Variants in BCKDHB observed in about 807,000 individuals in gnomAD.
BCKDHB encodes the protein 2-oxoisovalerate dehydrogenase subunit beta, mitochondrial.
Under a neutral mutation model 48.5 loss-of-function variants are expected in BCKDHB, and 41 were observed. That is an observed-to-expected ratio of 0.85 (90% confidence interval 0.66 to 1.10). The LOEUF (loss-of-function observed/expected upper bound fraction) is 1.10. Ranked by LOEUF, BCKDHB falls within the 50% of genes least tolerant of loss-of-function variation. BCKDHB has a pLI of 0.00. For synonymous variants in BCKDHB, 201 were observed against 174.8 expected (o/e 1.15, Z -1.18); for missense variants, 496 against 494.2 (o/e 1.00, Z -0.03).
At chr6:80,158,010 T>A (rs1772134546) in intron 3 of BCKDHB, among the ~76,000 whole-genome samples, 1 of 152,234 alleles carries the variant, frequency 6.6e-6, no homozygotes, top group Non-Finnish European at 1.5e-5. Flanking sequence ...AGCTTGTTCA[T>A]TCAAACGATA....
At chr6:80,258,805 C>A (rs1482144835) in intron 8 of BCKDHB, among the ~76,000 whole-genome samples, 1 of 151,648 alleles carries the variant, frequency 6.6e-6, no homozygotes, top group Non-Finnish European at 1.5e-5. Context: ...CACTGATGCT[C>A]AAGTTAACAA....
chr6:80,210,425 A>AT (rs1484406156), intron 8 of BCKDHB, among the ~76,000 whole-genome samples: 1 of 152,140 alleles, frequency 6.6e-6, no homozygotes, highest in African/African-American at 2.4e-5. Context: ...AGTGATTATC[A>AT]TGAGAGTGGT....
Position 80,167,789 on chromosome 6 carries a change from A to G in BCKDHB, c.455A>G (p.Tyr152Cys). 6.2e-7 allele frequency: 1 copy of G among 1,613,868 alleles called. No individual in the cohort carries two copies. Among genetic ancestry groups the G allele is most frequent in the Non-Finnish European group, 8.5e-7 (1 of 1,179,886 alleles). Residue 152 changes from tyrosine (Y) to cysteine (C), a missense_variant, in exon 4 of 10, where the codon TAT (tyrosine) becomes TGT (cysteine). By Grantham distance (194) the Tyr-to-Cys change is radical. Transcript: ENST00000320393. ...TAIAEIQFAD[Y>C]IFPAFDQIVN... ...ATTGCGGAAATTCAGTTTGCAGATT[A>G]TATTTTCCCTGCATTTGATCAGGTA...
chr6:80,192,393 A>G (rs1730563786), intron 6 of BCKDHB, among the ~76,000 whole-genome samples: 1 of 152,112 alleles, frequency 6.6e-6, no homozygotes, highest in African/African-American at 2.4e-5. Context: ...TGTAAAATTG[A>G]CACCCTATGA....
chr6:80,143,513 TG>T (rs1771324154), intron 3 of BCKDHB, among the ~76,000 whole-genome samples: 1 of 152,180 alleles, frequency 6.6e-6, no homozygotes, highest in African/African-American at 2.4e-5. Context: ...TGAGTGAGAC[TG>T]CCTATGCAAA....
At chr6:80,139,245 T>C (rs62406052) in intron 3 of BCKDHB, among the ~76,000 whole-genome samples, 103 of 151,994 alleles carry the variant, frequency 6.8e-4, no homozygotes, top group Non-Finnish European at 1.0e-3. Flanking sequence ...TTCTCCCATT[T>C]TGTAGGTTGC....
chr6:80,123,137 C>G (rs1770133147), intron 1 of BCKDHB, among the ~76,000 whole-genome samples: 1 of 152,154 alleles, frequency 6.6e-6, no homozygotes, highest in South Asian at 2.1e-4. Flanking sequence ...GCAGTCAGAC[C>G]TTATGGTTGT....
At position 80,112,759 on chromosome 6, in the gene BCKDHB, G is replaced by A. The variant is rs915374938; in HGVS notation, c.196+5870G>A. On this transcript the variant is annotated intron_variant, in intron 1 of 9. Transcript: ENST00000320393. The stretch of plus-strand genomic sequence containing the variant: ...GTTCAGGTCTGGAGTTGGATTCCCC[G>A]GGGTGTTCCCCTTTGGGATCCAATC... Among the ~76,000 whole-genome samples, 6 of 152,178 alleles carry A rather than the reference G, an allele frequency of 3.9e-5. No individual in the cohort carries two copies. The South Asian group carries it at 1.2e-3, about 32-fold the overall frequency.
At chr6:80,354,086 C>A in the BCKDHB span, among the ~76,000 whole-genome samples, 1 of 152,058 alleles carries the variant, frequency 6.6e-6, no homozygotes, top group South Asian at 2.1e-4. Context: ...ATATTAGTCT[C>A]CTCCTGTTGG....
Position 80,132,506 on chromosome 6 carries a change from G to A in BCKDHB, c.343+3277G>A, listed in dbSNP as rs78642487. On this transcript the variant is annotated intron_variant, in intron 3 of 9. Coordinates refer to ENST00000320393, the MANE Select transcript of BCKDHB (RefSeq NM_183050.4). ...CTCTCTCACATTAATTATTTAGGTT[G>A]GTCTGATTTTATTTTCCTTAAAAAA... Among the ~76,000 whole-genome samples the A allele has an allele frequency of 1.2e-4, 19 of 152,222 alleles. No individual in the cohort carries two copies. In the East Asian group the frequency reaches 3.1e-3, roughly 25 times the overall value.
the BCKDHB span, among the ~76,000 whole-genome samples, chr6:80,381,528 G>A: frequency 6.6e-6 from 1 of 152,020 alleles, no homozygotes; most frequent in Non-Finnish European, 1.5e-5. Context: ...TAATATTAAA[G>A]TCAGGTGATG....
the BCKDHB span, among the ~76,000 whole-genome samples, chr6:80,428,221 C>T: frequency 6.6e-5 from 10 of 152,312 alleles, 1 homozygote; most frequent in South Asian, 2.1e-3. Flanking sequence ...TCTATGGCTG[C>T]ATAGTATTCC....
chr6:80,418,183 G>T, the BCKDHB span, among the ~76,000 whole-genome samples: 2 of 152,090 alleles, frequency 1.3e-5, no homozygotes, highest in Admixed American at 6.5e-5. Context: ...CCTCTATCAG[G>T]TCGTTTGTTT....
intron 8 of BCKDHB, among the ~76,000 whole-genome samples, chr6:80,244,513 T>C (rs1401344934): frequency 6.6e-6 from 1 of 152,228 alleles, no homozygotes; most frequent in African/African-American, 2.4e-5. Context: ...CATAATTTTT[T>C]TGTTTTGTTG....
In BCKDHB at chr6:80,343,952, ATGTGCTT is replaced by A; in HGVS notation, c.*150_*156del. 1 of 1,015,944 alleles carries A rather than the reference ATGTGCTT, an allele frequency of 9.8e-7. No individual in the cohort carries two copies. The highest frequency in any genetic ancestry group is 1.4e-5 in the South Asian group (1 of 73,030). 62.9% of individuals were successfully genotyped at this position (1,015,944 alleles called of 1,614,324 possible). ...AAAAGGCAACTTTCAGAAGAAAATA[ATGTGCTT>A]TAGAAAAAAAATTCAAATTTATAGT... On this transcript the variant is annotated 3_prime_UTR_variant, in exon 10 of 10. Coordinates refer to ENST00000320393, the MANE Select transcript of BCKDHB (RefSeq NM_183050.4).
chr6:80,458,513 G>A, the BCKDHB span, among the ~76,000 whole-genome samples: 4 of 152,276 alleles, frequency 2.6e-5, no homozygotes, highest in South Asian at 4.2e-4. Flanking sequence ...TCAGAGATTC[G>A]AAACGGATTC....
chr6:80,425,021 G>T, the BCKDHB span, among the ~76,000 whole-genome samples: 2 of 152,126 alleles, frequency 1.3e-5, no homozygotes, highest in East Asian at 3.9e-4. Flanking sequence ...AAGAGGAATG[G>T]CCAAAATTAT....
intron 6 of BCKDHB, among the ~76,000 whole-genome samples, chr6:80,172,658 A>G (rs1772972984): frequency 6.6e-6 from 1 of 152,110 alleles, no homozygotes; most frequent in Non-Finnish European, 1.5e-5. Flanking sequence ...AGGCGTGTAC[A>G]GTATTGTTTA....
At chr6:80,388,165 A>T in the BCKDHB span, among the ~76,000 whole-genome samples, 1 of 152,186 alleles carries the variant, frequency 6.6e-6, no homozygotes, top group Non-Finnish European at 1.5e-5. Context: ...GTGACCTGAA[A>T]GGCTGCCAGT....
Sources: gnomAD v4.1 joint callset for allele counts (sites outside exome capture counted in the v4.1 genomes callset) on GRCh38, gnomAD v4.1.1 for gene constraint, MANE v1.5 for transcripts, NCBI Gene and HGNC (gene_info 2026-07-23, HGNC 2026-07-21) for gene names.